The following DGKH variants were observed in gnomAD, a reference collection of about 807,000 sequenced individuals.
The protein encoded by DGKH is DAG kinase eta.
In DGKH, 90 loss-of-function variants were observed where a neutral mutation model predicts 159.3. The observed-to-expected ratio is 0.57, with a 90% CI of 0.48 to 0.67. The LOEUF is 0.67. DGKH is among the 30% of genes least tolerant of loss of function. The pLI, the probability that DGKH is intolerant of heterozygous loss-of-function variation, is 0.00. For synonymous variants in DGKH, 536 were observed against 553.8 expected (o/e 0.97, Z 0.45); for missense variants, 1,181 against 1,506.1 (o/e 0.78, Z 3.57).
intron 29 of DGKH, 77 bp from the exon 30 acceptor site, chr13:42,229,022 T>A: frequency 7.6e-7 from 1 of 1,307,502 alleles, no homozygotes; most frequent in Non-Finnish European, 1.1e-6. Context: ...TCCTTTTCTT[T>A]CATTTTTAAA....
intron 17 of DGKH, among the ~76,000 whole-genome samples, chr13:42,197,310 T>G (rs1183267962): frequency 8.5e-6 from 1 of 117,072 alleles, no homozygotes; most frequent in African/African-American, 2.7e-5. Context: ...GCAGCTGGAG[T>G]GTGGCTCTCA....
intron 1 of DGKH, among the ~76,000 whole-genome samples, chr13:42,092,955 A>G (rs1954448960): frequency 6.6e-6 from 1 of 152,180 alleles, no homozygotes; most frequent in Admixed American, 6.5e-5. Flanking sequence ...AAAGATGCTC[A>G]GCATTGGCCG....
At chr13:42,160,285 A>G (rs1594117509) in intron 7 of DGKH, 149 bp downstream of exon 7, 1 of 1,098,932 alleles carries the variant, frequency 9.1e-7, no homozygotes, top group East Asian at 2.4e-5. Context: ...CTTTCCTTAC[A>G]GTATAGTCCT....
chr13:42,219,208 C>G, intron 26 of DGKH, 22 bp from the exon 27 acceptor site: 1 of 1,612,452 alleles, frequency 6.2e-7, no homozygotes, highest in East Asian at 2.2e-5. Context: ...TTTGTTTTGT[C>G]TTTTAATCTG....
At position 42,169,860 on chromosome 13, in the gene DGKH, T is replaced by C. The variant is rs138210466; in HGVS notation, c.1367+1042T>C. ...GGGTGCATAAAAGTTTATAATCTTATGTGCTACTGGGTTCAGCCTCCATCC... is the reference window on the plus strand; with the variant it reads ...GGGTGCATAAAAGTTTATAATCTTACGTGCTACTGGGTTCAGCCTCCATCC... On this transcript the variant is annotated intron_variant, in intron 11 of 29. Transcript: ENST00000337343. 3.4e-4 allele frequency among the ~76,000 whole-genome samples: 52 copies of C among 152,334 alleles called. No homozygotes were observed. In the East Asian group the frequency reaches 9.4e-3, roughly 28 times the overall value.
intron 1 of DGKH, among the ~76,000 whole-genome samples, chr13:42,124,351 C>A (rs1256394821): frequency 6.6e-6 from 1 of 151,718 alleles, no homozygotes; most frequent in African/African-American, 2.4e-5. Flanking sequence ...TATGTTTTTC[C>A]CCTTTTTAAA....
chr13:42,085,442 T>G (rs1954284660), intron 1 of DGKH, among the ~76,000 whole-genome samples: 1 of 152,158 alleles, frequency 6.6e-6, no homozygotes, highest in Non-Finnish European at 1.5e-5. Context: ...GCCCAGTGAT[T>G]GTGATTTGGA....
chr13:42,157,784 G>T (rs1234717394), intron 5 of DGKH, among the ~76,000 whole-genome samples: 1 of 152,160 alleles, frequency 6.6e-6, no homozygotes, highest in African/African-American at 2.4e-5. Context: ...GAGACAGAGT[G>T]TTGCTGTGTC....
intron 29 of DGKH, among the ~76,000 whole-genome samples, chr13:42,251,137 A>G (rs1958617145): frequency 6.6e-6 from 1 of 152,212 alleles, no homozygotes. Flanking sequence ...TAAAAGTTAA[A>G]AACCGAGATT....
chr13:42,116,398 A>G (rs1954969515), intron 1 of DGKH, among the ~76,000 whole-genome samples: 1 of 152,210 alleles, frequency 6.6e-6, no homozygotes, highest in South Asian at 2.1e-4. Flanking sequence ...CATGACGCCA[A>G]ATTCCATTCC....
intron 1 of DGKH, among the ~76,000 whole-genome samples, chr13:42,052,781 T>A (rs1250102420): frequency 6.6e-6 from 1 of 152,232 alleles, no homozygotes. Flanking sequence ...GCTTACAGCC[T>A]AGGATTGTTC....
At chr13:42,178,257 A>G (rs901469020) in intron 13 of DGKH, 37 bp downstream of exon 13, 1 of 1,474,634 alleles carries the variant, frequency 6.8e-7, no homozygotes, top group Non-Finnish European at 9.2e-7. Context: ...ATATGGTGAA[A>G]ATGAAATGAT....
chr13:42,110,801 G>A (rs1290144215), intron 1 of DGKH, among the ~76,000 whole-genome samples: 5 of 152,192 alleles, frequency 3.3e-5, no homozygotes, highest in Admixed American at 1.3e-4. Flanking sequence ...TGAAAAAACT[G>A]TTATGTCTGG....
At position 42,256,568 on chromosome 13, in the gene DGKH, T is replaced by C. The variant is rs566631425; in HGVS notation, n.4412T>C. The stretch of plus-strand genomic sequence containing the variant: ...AATTTATAATGAAAATAAACGTGTA[T>C]ATAATTTTTTAAAAAACTGATAAAT... On this transcript the variant is annotated non_coding_transcript_exon_variant, in exon 31 of 31. Transcript: ENST00000498255. The C allele has an allele frequency of 5.9e-4, 396 of 671,112 alleles. 2 individuals are homozygous for C. Among genetic ancestry groups the C allele is most frequent in the Non-Finnish European group, 9.6e-4 (362 of 377,206 alleles). The allele number at this position is 671,112 out of a possible 1,614,324, so 41.6% of individuals were successfully genotyped here. A position where few individuals can be genotyped will look rare whatever the true frequency, so the allele number is the denominator to read the frequency against.
At chr13:42,048,032 T>TGGGCCA (rs998839172), upstream of DGKH, among the ~76,000 whole-genome samples, 7 of 101,904 alleles carry the variant, frequency 6.9e-5, no homozygotes, top group Non-Finnish European at 1.1e-4. This position sits in a 1 kb window ranked among gnomAD's most constrained non-coding sequence, Gnocchi z 6.7. Context: ...GGGGTGGGGG[T>TGGGCCA]GGGCCAGAAA....
chr13:42,087,093 AGAGTAGG>A (rs1566093810), intron 1 of DGKH, among the ~76,000 whole-genome samples: 3,052 of 136,992 alleles, frequency 0.022, 97 homozygotes, highest in African/African-American at 0.077. Context: ...ACCTCAGAAC[AGAGTAGG>A]CACAACAATC....
At chr13:42,118,686 A>C (rs12584831) in intron 1 of DGKH, among the ~76,000 whole-genome samples, 1 of 152,188 alleles carries the variant, frequency 6.6e-6, no homozygotes, top group Non-Finnish European at 1.5e-5. Flanking sequence ...AAGACAGACA[A>C]GTGGAGCAGA....
Position 42,187,162 on chromosome 13 carries a change from C to T in DGKH, c.1638+14C>T. 2 of 1,605,866 alleles carry T rather than the reference C, an allele frequency of 1.2e-6. No individual in the cohort carries two copies. Among genetic ancestry groups the T allele is most frequent in the African/African-American group, 1.3e-5 (1 of 74,886 alleles). On this transcript the variant is annotated intron_variant, in intron 14 of 29. Coordinates refer to ENST00000337343, the MANE Select transcript of DGKH (RefSeq NM_178009.5). ...GTGGCCAGTAAAGTAAGAGGGGACT[C>T]TTCAGGGCATGAGAGTTGTTTATGG...
rs960152939 is a variant in DGKH, at chr13:42,241,822, A to G, written c.*12634A>G. 8 of 152,240 alleles carry G rather than the reference A, an allele frequency of 5.3e-5. No homozygotes were observed. The highest frequency in any genetic ancestry group is 1.3e-4 in the Admixed American group (2 of 15,286). 9.4% of individuals were successfully genotyped at this position (152,240 alleles called of 1,614,324 possible). A position where few individuals can be genotyped will look rare whatever the true frequency, so the allele number is the denominator to read the frequency against. ...CTTGTGTGCCATGAGGCACTAATACATAGGTGAAACAAAAATATTTTTAGT... is the reference window on the plus strand; with the variant it reads ...CTTGTGTGCCATGAGGCACTAATACGTAGGTGAAACAAAAATATTTTTAGT... On this transcript the variant is annotated 3_prime_UTR_variant, in exon 30 of 30. Coordinates refer to ENST00000337343, the MANE Select transcript of DGKH (RefSeq NM_178009.5).
Sources: allele counts gnomAD v4.1 joint callset (sites outside exome capture counted in the v4.1 genomes callset), GRCh38; gene constraint gnomAD v4.1.1; non-coding constraint Gnocchi (gnomAD v3.1); transcripts MANE v1.5; gene names NCBI Gene and HGNC (gene_info 2026-07-23, HGNC 2026-07-21).